The following BTG4 variants were observed in gnomAD, a reference collection of about 807,000 sequenced individuals.
BTG4 encodes BTG anti-proliferation factor 4.
BTG4 carries 10 observed loss-of-function variants against 19.3 expected under a neutral mutation model. The observed-to-expected ratio is 0.52, with a 90% CI of 0.32 to 0.88. BTG4 has a LOEUF of 0.88. Among genes scored for constraint, BTG4 ranks in the 40% least tolerant of loss-of-function variants. BTG4 has a pLI of 0.04. For synonymous variants in BTG4, 91 were observed against 95.7 expected (o/e 0.95, Z 0.29); for missense variants, 238 against 281.9 (o/e 0.84, Z 1.11).
intron 5 of BTG4, among the ~76,000 whole-genome samples, chr11:111,485,922 A>G (rs925048352): frequency 6.6e-6 from 1 of 152,214 alleles, no homozygotes; most frequent in East Asian, 1.9e-4. Flanking sequence ...ATAAAACCAG[A>G]GATGAAAAGG....
At chr11:111,503,355 T>C (rs1038167410) in intron 1 of BTG4, among the ~76,000 whole-genome samples, 4 of 152,218 alleles carry the variant, frequency 2.6e-5, no homozygotes, top group African/African-American at 9.6e-5. Flanking sequence ...TGACAAGATG[T>C]CAGAATTTAG....
the BTG4 span, among the ~76,000 whole-genome samples, chr11:111,387,404 G>A: frequency 6.6e-6 from 1 of 152,180 alleles, no homozygotes; most frequent in African/African-American, 2.4e-5. Context: ...ATTAGACATT[G>A]TGACTAGGCA....
chr11:111,435,480 C>T, the BTG4 span, among the ~76,000 whole-genome samples: 1 of 152,170 alleles, frequency 6.6e-6, no homozygotes, highest in Non-Finnish European at 1.5e-5. Flanking sequence ...CTTGGCACCA[C>T]GAAAGCATAC....
At chr11:111,437,676 G>C in the BTG4 span, among the ~76,000 whole-genome samples, 2 of 152,120 alleles carry the variant, frequency 1.3e-5, 1 homozygote, top group Middle Eastern at 6.8e-3. Context: ...ACCCCCACCT[G>C]TATCCCCATT....
the BTG4 span, among the ~76,000 whole-genome samples, chr11:111,408,030 G>A: frequency 7.2e-5 from 11 of 152,332 alleles, no homozygotes; most frequent in South Asian, 2.1e-3. Flanking sequence ...GGCTCCATCA[G>A]TGCAAGTGAA....
upstream of BTG4, chr11:111,514,015 C>CA (rs2135768015): frequency 6.5e-6 from 1 of 153,052 alleles, no homozygotes; most frequent in Non-Finnish European, 1.5e-5. Context: ...CCTGCCATGA[C>CA]AAAAATCTCC....
chr11:111,393,690 C>T, the BTG4 span, among the ~76,000 whole-genome samples: 8 of 152,162 alleles, frequency 5.3e-5, no homozygotes, highest in African/African-American at 1.9e-4. Flanking sequence ...GAGGGAGATG[C>T]TCTAGGAGGG....
At chr11:111,491,183 A>T (rs1019167601), downstream of BTG4, among the ~76,000 whole-genome samples, 1 of 152,180 alleles carries the variant, frequency 6.6e-6, no homozygotes, top group Non-Finnish European at 1.5e-5. Flanking sequence ...TTAAAAGAAC[A>T]GGGGGAAGAT....
the BTG4 span, among the ~76,000 whole-genome samples, chr11:111,430,879 T>C: frequency 6.6e-6 from 1 of 152,228 alleles, no homozygotes; most frequent in African/African-American, 2.4e-5. Context: ...AGTTTTCACA[T>C]CACAATGCAA....
upstream of BTG4, chr11:111,512,791 G>A (rs1294848867): frequency 8.2e-6 from 2 of 244,968 alleles, no homozygotes; most frequent in South Asian, 4.6e-5. Flanking sequence ...CGAGGCCGGC[G>A]GGGGTCCCGC....
the BTG4 span, among the ~76,000 whole-genome samples, chr11:111,384,413 C>T: frequency 6.6e-6 from 1 of 151,652 alleles, no homozygotes; most frequent in Admixed American, 6.6e-5. Flanking sequence ...AACTTTAAAA[C>T]AACTAATACA....
At chr11:111,456,328 A>T in the BTG4 span, among the ~76,000 whole-genome samples, 2 of 152,072 alleles carry the variant, frequency 1.3e-5, no homozygotes, top group African/African-American at 4.8e-5. The surrounding 1 kb of genome is among the most constrained non-coding windows in gnomAD (Gnocchi z 4.2). Context: ...TCACAATGGC[A>T]CGTGGAATAC....
chr11:111,393,198 T>C, the BTG4 span, among the ~76,000 whole-genome samples: 1 of 152,208 alleles, frequency 6.6e-6, no homozygotes, highest in Non-Finnish European at 1.5e-5. Flanking sequence ...GGATCTCTTA[T>C]TACTCTGAGT....
At chr11:111,470,404 A>T (rs1406215124) in intron 5 of BTG4, among the ~76,000 whole-genome samples, 1 of 152,164 alleles carries the variant, frequency 6.6e-6, no homozygotes, top group Non-Finnish European at 1.5e-5. Context: ...TAAAAATCCT[A>T]TTCTACAGGG....
At chr11:111,447,638 G>A in the BTG4 span, among the ~76,000 whole-genome samples, 16 of 152,320 alleles carry the variant, frequency 1.1e-4, no homozygotes, top group Non-Finnish European at 1.9e-4. Context: ...GAGAAGAACC[G>A]TGGAGAGCAG....
At chr11:111,469,530 G>T (rs1306510686) in intron 5 of BTG4, among the ~76,000 whole-genome samples, 1 of 152,170 alleles carries the variant, frequency 6.6e-6, no homozygotes, top group Non-Finnish European at 1.5e-5. Context: ...GGCAGCATAT[G>T]ACAAAATGCA....
At chr11:111,467,731 T>A (rs1384406467) in intron 5 of BTG4, 1 of 738,904 alleles carries the variant, frequency 1.4e-6, no homozygotes, top group Non-Finnish European at 2.5e-6. Flanking sequence ...ATTTTATAAT[T>A]TTTTCCTAAA....
chr11:111,427,675 T>C, the BTG4 span, among the ~76,000 whole-genome samples: 1 of 151,674 alleles, frequency 6.6e-6, no homozygotes. Flanking sequence ...TGAGGGGAGG[T>C]CTCAGGGGAG....
the BTG4 span, among the ~76,000 whole-genome samples, chr11:111,428,401 A>G: frequency 6.6e-6 from 1 of 152,098 alleles, no homozygotes; most frequent in East Asian, 1.9e-4. Context: ...TTTTCCTTGC[A>G]TCTCTGTCCT....
Sources: gnomAD v4.1 joint callset for allele counts (sites outside exome capture counted in the v4.1 genomes callset) on GRCh38, gnomAD v4.1.1 for gene constraint, Gnocchi (gnomAD v3.1) non-coding constraint, MANE v1.5 for transcripts, NCBI Gene and HGNC (gene_info 2026-07-23, HGNC 2026-07-21) for gene names.